The following MAPKAP1 variants were observed in gnomAD, a reference collection of about 807,000 sequenced individuals.
MAPKAP1 encodes the protein target of rapamycin complex 2 subunit MAPKAP1.
Under a neutral mutation model 65.7 loss-of-function variants are expected in MAPKAP1, and 20 were observed. The ratio of observed to expected loss-of-function variants is 0.30; its 90% CI spans 0.21 to 0.44. MAPKAP1 has a LOEUF of 0.44. Ranked by LOEUF, MAPKAP1 falls within the 20% of genes least tolerant of loss-of-function variation. The pLI is 1.00. For missense variants in MAPKAP1, 423 were observed against 648.0 expected (o/e 0.65, Z 3.77); for synonymous variants, 222 against 244.3 (o/e 0.91, Z 0.85).
At chr9:125,547,612 T>C (rs931236019) in intron 6 of MAPKAP1, among the ~76,000 whole-genome samples, 1 of 152,212 alleles carries the variant, frequency 6.6e-6, no homozygotes, top group Non-Finnish European at 1.5e-5. Context: ...AAGGCCCCAC[T>C]TCAGCCCCTC....
intron 1 of MAPKAP1, among the ~76,000 whole-genome samples, chr9:125,702,040 T>C (rs1208629379): frequency 2.0e-5 from 3 of 152,206 alleles, no homozygotes; most frequent in Admixed American, 2.0e-4. Flanking sequence ...AGCCTAGAAT[T>C]ACACTCAGCC....
chr9:125,556,546 T>C (rs1412899997), intron 6 of MAPKAP1, among the ~76,000 whole-genome samples: 2 of 152,218 alleles, frequency 1.3e-5, no homozygotes, highest in African/African-American at 2.4e-5. Flanking sequence ...ATATGCATAG[T>C]TGGCCCTTAG....
chr9:125,672,752 T>C (rs565218524), intron 1 of MAPKAP1, 109 bp from the exon 2 acceptor site: 1 of 681,364 alleles, frequency 1.5e-6, no homozygotes, highest in East Asian at 2.7e-5. Flanking sequence ...AATCAACATT[T>C]ATCCCTGTTC....
At chr9:125,508,274 T>C (rs375803025) in intron 7 of MAPKAP1, among the ~76,000 whole-genome samples, 1 of 152,314 alleles carries the variant, frequency 6.6e-6, no homozygotes, top group East Asian at 1.9e-4. Flanking sequence ...TTTCAATTAA[T>C]AGGTGCATCT....
intron 6 of MAPKAP1, among the ~76,000 whole-genome samples, chr9:125,543,633 G>T (rs541565457): frequency 6.6e-6 from 1 of 152,250 alleles, no homozygotes; most frequent in East Asian, 1.9e-4. Flanking sequence ...TTAAAAATAG[G>T]TTGAATAAAT....
At chr9:125,572,111 A>T (rs1448736634) in intron 5 of MAPKAP1, among the ~76,000 whole-genome samples, 3 of 152,234 alleles carry the variant, frequency 2.0e-5, no homozygotes, top group Admixed American at 6.5e-5. Context: ...TTTCTTTTAT[A>T]ACAGAACACA....
At chr9:125,694,846 T>C (rs1234545322) in intron 1 of MAPKAP1, among the ~76,000 whole-genome samples, 1 of 150,398 alleles carries the variant, frequency 6.6e-6, no homozygotes, top group East Asian at 1.9e-4. Flanking sequence ...TCTGAAGTTA[T>C]TAACCAAGCT....
intron 4 of MAPKAP1, among the ~76,000 whole-genome samples, chr9:125,632,225 G>GAAAAAAAA (rs57409863): frequency 0.042 from 6,053 of 143,242 alleles, 340 homozygotes; most frequent in African/African-American, 0.12. Context: ...CCGTCTCAAA[G>GAAAAAAAA]AAAAAAAAAA....
At chr9:125,640,817 C>G (rs1833556788) in intron 4 of MAPKAP1, among the ~76,000 whole-genome samples, 1 of 152,274 alleles carries the variant, frequency 6.6e-6, no homozygotes, top group South Asian at 2.1e-4. Context: ...CTGGAAAAAG[C>G]TGAAGCTATT....
chr9:125,519,652 T>TTATA (rs146480033), intron 7 of MAPKAP1, among the ~76,000 whole-genome samples: 3,582 of 141,620 alleles, frequency 0.025, 69 homozygotes, highest in African/African-American at 0.047. Context: ...TATATGTCTT[T>TTATA]TATATATATA....
chr9:125,657,456 A>G (rs1419191134), intron 4 of MAPKAP1, among the ~76,000 whole-genome samples, 195 bp downstream of exon 4: 1 of 152,176 alleles, frequency 6.6e-6, no homozygotes, highest in Non-Finnish European at 1.5e-5. Flanking sequence ...CCTCCCAAAT[A>G]TATTACTGTG....
chr9:125,522,391 A>G (rs773805049), intron 7 of MAPKAP1, among the ~76,000 whole-genome samples: 10 of 152,352 alleles, frequency 6.6e-5, no homozygotes, highest in South Asian at 2.1e-4. Flanking sequence ...AAACTGTACT[A>G]AACTCCTACC....
intron 7 of MAPKAP1, among the ~76,000 whole-genome samples, chr9:125,527,631 C>T (rs1169270113): frequency 6.6e-6 from 1 of 152,210 alleles, no homozygotes; most frequent in Non-Finnish European, 1.5e-5. Flanking sequence ...CTCTTTCACA[C>T]ACACCCACAC....
At chr9:125,634,997 A>C (rs967631715) in intron 4 of MAPKAP1, among the ~76,000 whole-genome samples, 3 of 152,190 alleles carry the variant, frequency 2.0e-5, no homozygotes, top group Admixed American at 6.5e-5. Flanking sequence ...ATCTACTGGA[A>C]GGAAATGTCA....
intron 6 of MAPKAP1, among the ~76,000 whole-genome samples, chr9:125,544,856 CTAG>C (rs1441526302): frequency 1.3e-5 from 2 of 152,306 alleles, no homozygotes; most frequent in African/African-American, 4.8e-5. Flanking sequence ...GGCCTTAAGC[CTAG>C]GTTGGACCCA....
chr9:125,702,374 A>C (rs1835627135), intron 1 of MAPKAP1, among the ~76,000 whole-genome samples: 3 of 152,010 alleles, frequency 2.0e-5, no homozygotes. Context: ...GCCTCTACTA[A>C]AAATACAAAA....
chr9:125,469,399 A>T (rs1853812945), intron 9 of MAPKAP1, among the ~76,000 whole-genome samples: 1 of 152,202 alleles, frequency 6.6e-6, no homozygotes. Context: ...TCTGACAGCA[A>T]ATTTAAAATT....
At chr9:125,567,324 G>C (rs139700134) in intron 5 of MAPKAP1, among the ~76,000 whole-genome samples, 196 of 152,282 alleles carry the variant, frequency 1.3e-3, no homozygotes, top group African/African-American at 4.6e-3. Flanking sequence ...CAAAATACAG[G>C]TCATAAAGAC....
chr9:125,634,625 G>A (rs1833373793), intron 4 of MAPKAP1, among the ~76,000 whole-genome samples: 2 of 152,088 alleles, frequency 1.3e-5, no homozygotes, highest in South Asian at 2.1e-4. Flanking sequence ...ACAGCTTAAC[G>A]AACCCATTTT....
Sources: allele counts gnomAD v4.1 joint callset (sites outside exome capture counted in the v4.1 genomes callset), GRCh38; gene constraint gnomAD v4.1.1; transcripts MANE v1.5; gene names NCBI Gene and HGNC (gene_info 2026-07-23, HGNC 2026-07-21).